The following ITSN2 variants were observed in gnomAD, a reference collection of about 807,000 sequenced individuals.
The protein encoded by ITSN2 is intersectin 2.
In ITSN2, 156 loss-of-function variants were observed where a neutral mutation model predicts 243.7. That is an observed-to-expected ratio of 0.64 (90% CI 0.56 to 0.73). ITSN2 has a LOEUF of 0.73. ITSN2 is among the 30% of genes least tolerant of loss of function. The probability of loss-of-function intolerance (pLI) is 0.00; values close to 1 mark genes in which losing one functional copy is unlikely to be tolerated. For synonymous variants in ITSN2, 703 were observed against 699.9 expected, an observed-to-expected ratio of 1.00 and a Z score of -0.07; for missense variants, 1,801 against 1,996.1, an observed-to-expected ratio of 0.90 and a Z score of 1.86.
intron 29 of ITSN2, chr2:24,241,052 G>C (rs149270089): frequency 6.6e-6 from 1 of 152,230 alleles, no homozygotes; most frequent in East Asian, 1.9e-4. Flanking sequence ...GAAGCTCCAT[G>C]AACACAGAGG....
intron 1 of ITSN2, among the ~76,000 whole-genome samples, chr2:24,344,513 G>A (rs925226001): frequency 3.9e-5 from 6 of 151,976 alleles, no homozygotes; most frequent in African/African-American, 1.2e-4. Context: ...AGGGAACTCA[G>A]CATTTTTCAT....
chr2:24,326,663 A>C (rs955355166), intron 2 of ITSN2: 11 of 169,192 alleles, frequency 6.5e-5, no homozygotes, highest in Non-Finnish European at 1.6e-4. Context: ...TACTCACATT[A>C]ATCCTTAAAT....
At chr2:24,230,496 G>A (rs1310477599) in intron 29 of ITSN2, among the ~76,000 whole-genome samples, 2 of 152,132 alleles carry the variant, frequency 1.3e-5, no homozygotes, top group South Asian at 2.1e-4. Context: ...GGCTGGGTGC[G>A]GTGGCTCACG....
In ITSN2 at chr2:24,203,719, A is replaced by G. The variant is rs144802071; in HGVS notation, c.5001T>C (p.Pro1667=). ...CATGCAGCAGCAGTCGGCGGGTCAT[A>G]GGGCCTTTGCTTTCCTGTTCTGTTC... The part of the protein sequence containing the change: ...KIRTEQESKG[P]MTRRLLLHEV... Residue 1667 remains proline (P), a synonymous_variant, in exon 40 of 40, where the codon CCT becomes CCC. Coordinates refer to ENST00000355123, the MANE Select transcript of ITSN2 (RefSeq NM_006277.3). 6.7e-4 allele frequency: 1,079 copies of G among 1,614,202 alleles called. 6 individuals are homozygous for G. In the African/African-American group the frequency reaches 0.012, roughly 19 times the overall value.
chr2:24,210,930 C>G lies in ITSN2; in HGVS notation c.4107G>C (p.Pro1369=). 6.2e-7 allele frequency: 1 copy of G among 1,614,172 alleles called. No individual in the cohort carries two copies. Among genetic ancestry groups the G allele is most frequent in the African/African-American group, 1.3e-5 (1 of 75,044 alleles). The change falls in exon 34 of 40, where the codon CCG becomes CCC. Residue 1369 remains proline, a synonymous_variant. Transcript: ENST00000355123. The part of the protein sequence containing the change: ...LLIRSILENT[P]ESHADHSSLK... ...GGGAGGAATGGTCTGCATGGCTCTC[C>G]GGGGTGTTCTCCAGAATCTGGAAAA... is the stretch of plus-strand genomic sequence containing the variant.
rs139513534 is a variant in ITSN2 at position 24,227,969 on chromosome 2, G to C, written c.3578-6903C>G. On this transcript the variant is annotated intron_variant, in intron 29 of 39. Coordinates refer to ENST00000355123, the MANE Select transcript of ITSN2 (RefSeq NM_006277.3). ...GAATGACAAGGCCCAACATACATCT[G>C]ACAGGTAGTCCAGGAGAAGGGAATA... Among the ~76,000 whole-genome samples, 901 of 152,278 alleles carry C rather than the reference G, an allele frequency of 5.9e-3. 5 individuals carry two copies. The highest frequency in any genetic ancestry group is 0.021 in the African/African-American group (860 of 41,552).
At chr2:24,310,455 T>A in intron 6 of ITSN2, 34 bp downstream of exon 6, 1 of 1,608,558 alleles carries the variant, frequency 6.2e-7, no homozygotes, top group Non-Finnish European at 8.5e-7. Flanking sequence ...TTTCTTTACA[T>A]GAAATAATGA....
Position 24,261,224 on chromosome 2 carries a change from G to A in ITSN2, c.2564C>T (p.Ser855Leu). The A allele has an allele frequency of 6.2e-7, 1 of 1,611,620 alleles. No homozygotes were observed. The highest frequency in any genetic ancestry group is 1.1e-5 in the South Asian group (1 of 90,892). ...AGATACATTTTGATAATCAGTCACTGATGCTGGTTGATTTGAAGAAAGTGG... is the reference window on the plus strand; with the variant it reads ...AGATACATTTTGATAATCAGTCACTAATGCTGGTTGATTTGAAGAAAGTGG... The part of the protein sequence containing the change: ...SEPLSSNQPA[S>L]VTDYQNVSFS... The change falls in exon 22 of 40, where the codon TCA becomes TTA. Residue 855 changes from serine to leucine, a missense_variant. Transcript: ENST00000355123.
At chr2:24,237,274 A>G (rs1259315492) in intron 29 of ITSN2, among the ~76,000 whole-genome samples, 1 of 152,124 alleles carries the variant, frequency 6.6e-6, no homozygotes, top group Non-Finnish European at 1.5e-5. Flanking sequence ...TTCCTCTTTT[A>G]TTTTTACTGG....
chr2:24,261,769 A>C, intron 20 of ITSN2, 27 bp from the exon 21 acceptor site: 1 of 1,536,348 alleles, frequency 6.5e-7, no homozygotes, highest in Non-Finnish European at 8.9e-7. Context: ...AAGGATTAAC[A>C]GTGCTTAGAA....
intron 2 of ITSN2, among the ~76,000 whole-genome samples, chr2:24,317,289 C>A (rs1261751061): frequency 6.6e-6 from 1 of 151,126 alleles, no homozygotes; most frequent in Non-Finnish European, 1.5e-5. Context: ...GAGGCTGAGG[C>A]AAGAGGATCA....
At chr2:24,271,031 G>A (rs746773899) in intron 19 of ITSN2, among the ~76,000 whole-genome samples, 5 of 152,138 alleles carry the variant, frequency 3.3e-5, no homozygotes, top group African/African-American at 9.7e-5. Context: ...TGGGTAGAAA[G>A]GAAAGTGCAG....
chr2:24,312,452 A>G lies in ITSN2; in HGVS notation c.189-77T>C, dbSNP rs1024748295. On this transcript the variant is annotated intron_variant, in intron 4 of 39. Coordinates refer to ENST00000355123, the MANE Select transcript of ITSN2 (RefSeq NM_006277.3). Reference sequence around the variant, plus strand: ...ACTAACGTTATTTTGGGGATTGACAAAGTAAAAATGATGATATGGCATTCA... The same window carrying G: ...ACTAACGTTATTTTGGGGATTGACAGAGTAAAAATGATGATATGGCATTCA... 3.7e-5 allele frequency: 41 copies of G among 1,115,936 alleles called. No homozygotes were observed. In the Admixed American group the frequency reaches 1.0e-3, roughly 28 times the overall value. The allele number at this position is 1,115,936 out of a possible 1,614,324, so 69.1% of individuals were successfully genotyped here. A position where few individuals can be genotyped will look rare whatever the true frequency, so the allele number is the denominator to read the frequency against.
chr2:24,328,188 G>T, intron 1 of ITSN2, 73 bp from the exon 2 acceptor site: 2 of 1,050,958 alleles, frequency 1.9e-6, no homozygotes, highest in Non-Finnish European at 2.9e-6. Context: ...CCGCTAAGCA[G>T]TAGGAATGTC....
chr2:24,251,272 C>T (rs1399926936), intron 25 of ITSN2, among the ~76,000 whole-genome samples: 4 of 134,000 alleles, frequency 3.0e-5, no homozygotes, highest in Non-Finnish European at 6.3e-5. Context: ...TGTAGTGAGC[C>T]GAGATCCAGC....
chr2:24,282,702 C>G (rs1678944579), intron 17 of ITSN2, among the ~76,000 whole-genome samples: 1 of 152,198 alleles, frequency 6.6e-6, no homozygotes, highest in Non-Finnish European at 1.5e-5. Context: ...GAGGTTTGAG[C>G]AGGGGAGCAC....
intron 17 of ITSN2, among the ~76,000 whole-genome samples, chr2:24,277,108 T>TTAA: frequency 6.6e-6 from 1 of 152,264 alleles, no homozygotes; most frequent in South Asian, 2.1e-4. Context: ...ACTCATTAGC[T>TTAA]TAACTATTTT....
At chr2:24,272,775 C>T (rs905314592) in intron 18 of ITSN2, among the ~76,000 whole-genome samples, 3 of 151,980 alleles carry the variant, frequency 2.0e-5, no homozygotes, top group African/African-American at 2.4e-5. Flanking sequence ...TTTTTGTTTG[C>T]TTAGATAATA....
intron 15 of ITSN2, among the ~76,000 whole-genome samples, chr2:24,291,046 G>A (rs576098745): frequency 6.6e-6 from 1 of 152,222 alleles, no homozygotes; most frequent in South Asian, 2.1e-4. Flanking sequence ...GGAGAGAACT[G>A]ACATAGTATT....
Sources: gnomAD v4.1 joint callset for allele counts (sites outside exome capture counted in the v4.1 genomes callset) on GRCh38, gnomAD v4.1.1 for gene constraint, MANE v1.5 for transcripts, NCBI Gene and HGNC (gene_info 2026-07-23, HGNC 2026-07-21) for gene names.